The following PPP2R3A variants were observed in gnomAD, a reference collection of about 807,000 sequenced individuals.
PPP2R3A encodes the protein protein phosphatase 2 regulatory subunit B''alpha.
Under a neutral mutation model 106.9 loss-of-function variants are expected in PPP2R3A, and 80 were observed. The ratio of observed to expected loss-of-function variants is 0.75; its 90% CI spans 0.62 to 0.90. The LOEUF is 0.90. PPP2R3A is among the 40% of genes least tolerant of loss of function. PPP2R3A has a pLI of 0.00. For synonymous variants in PPP2R3A, 483 were observed against 468.3 expected (o/e 1.03, Z -0.41); for missense variants, 1,386 against 1,350.4 (o/e 1.03, Z -0.41).
At chr3:135,996,477 A>G (rs1000888259) in intron 1 of PPP2R3A, among the ~76,000 whole-genome samples, 5 of 152,264 alleles carry the variant, frequency 3.3e-5, no homozygotes, top group African/African-American at 1.2e-4. Flanking sequence ...TGAAGTGTCC[A>G]CTGATATGTA....
In PPP2R3A at chr3:136,027,022, T is replaced by A; in HGVS notation, c.2186T>A (p.Leu729Gln). Residue 729 changes from leucine (L) to glutamine (Q), a missense_variant, in exon 3 of 14, where the codon CTA becomes CAA. Leu to Gln is a moderately radical substitution (Grantham distance 113, BLOSUM62 -2). Transcript: ENST00000264977. ...PDTCSNHEQT[L>Q]SRIETAFMDI... ...ACCTGTAGTAATCATGAACAAACTC[T>A]AAGCAGAATTGAAACTGCTTTCATG... The A allele has an allele frequency of 6.2e-7, 1 of 1,612,614 alleles. No individual in the cohort carries two copies. The highest frequency in any genetic ancestry group is 8.5e-7 in the Non-Finnish European group (1 of 1,178,674).
chr3:136,120,291 TAAA>T (rs570283767), intron 13 of PPP2R3A, among the ~76,000 whole-genome samples: 3 of 151,678 alleles, frequency 2.0e-5, no homozygotes, highest in Non-Finnish European at 4.4e-5. Flanking sequence ...TATAATTTTT[TAAA>T]AAAAAGCCTC....
At chr3:136,025,417 C>A (rs1233696018) in intron 2 of PPP2R3A, among the ~76,000 whole-genome samples, 1 of 151,988 alleles carries the variant, frequency 6.6e-6, no homozygotes, top group Admixed American at 6.6e-5. Flanking sequence ...TGACAACTGG[C>A]CTTCATATCC....
intron 1 of PPP2R3A, among the ~76,000 whole-genome samples, chr3:135,966,120 C>G (rs1356397863): frequency 6.6e-6 from 1 of 152,012 alleles, no homozygotes; most frequent in Non-Finnish European, 1.5e-5. Flanking sequence ...AAATTGCCTG[C>G]CCCAGGGGCG....
intron 13 of PPP2R3A, among the ~76,000 whole-genome samples, chr3:136,127,628 G>C (rs1029094110): frequency 1.2e-4 from 18 of 152,178 alleles, no homozygotes; most frequent in African/African-American, 4.3e-4. Flanking sequence ...ACCAAGCAAG[G>C]CAGGCCAACA....
At position 136,003,026 on chromosome 3, in the gene PPP2R3A, G is replaced by A; in HGVS notation, c.1528G>A (p.Asp510Asn). 6 of 1,613,406 alleles carry A rather than the reference G, an allele frequency of 3.7e-6. No individual in the cohort carries two copies. Among genetic ancestry groups the A allele is most frequent in the Non-Finnish European group, 5.1e-6 (6 of 1,179,728 alleles). The change falls in exon 2 of 14, where the codon GAT (aspartate) becomes AAT (asparagine). Residue 510 changes from aspartate to asparagine, a missense_variant. Transcript: ENST00000264977. Reference protein sequence around the residue: ...FTNSSSQEEIDKLLMDLESFS... With the variant: ...FTNSSSQEEINKLLMDLESFS... ...AAATTCCAGTAGCCAGGAAGAGATAGATAAATTGTTAATGGATTTGGAATC... is the reference window on the plus strand; with the variant it reads ...AAATTCCAGTAGCCAGGAAGAGATAAATAAATTGTTAATGGATTTGGAATC...
chr3:136,109,998 C>T (rs557962345), intron 13 of PPP2R3A, among the ~76,000 whole-genome samples: 1 of 152,174 alleles, frequency 6.6e-6, no homozygotes, highest in East Asian at 1.9e-4. Context: ...CACCCTACCC[C>T]TAAAGGAAAG....
At chr3:136,013,707 G>T (rs561613862) in intron 2 of PPP2R3A, among the ~76,000 whole-genome samples, 7 of 151,996 alleles carry the variant, frequency 4.6e-5, no homozygotes, top group Admixed American at 2.6e-4. Context: ...GGATTGTTTG[G>T]TTTTTTCTTG....
At chr3:136,046,383 G>A (rs539891772) in intron 4 of PPP2R3A, among the ~76,000 whole-genome samples, 78 of 152,122 alleles carry the variant, frequency 5.1e-4, no homozygotes, top group African/African-American at 1.9e-3. Context: ...GAACCTGGGA[G>A]GCAGAGGTTG....
chr3:136,064,166 G>A (rs1428981569), intron 5 of PPP2R3A, among the ~76,000 whole-genome samples: 1 of 149,880 alleles, frequency 6.7e-6, no homozygotes, highest in Non-Finnish European at 1.5e-5. Context: ...CTATCAAAAG[G>A]ACAAAAAACC....
In PPP2R3A at chr3:136,106,272, G is replaced by A; in HGVS notation, c.3279G>A (p.Glu1093=). ...ACTGGGACCGGTTTGCCGCTGAGGA[G>A]TATGAGACGCTTGTTGCAGAGGAAT... ...PSDWDRFAAE[E]YETLVAEESA... Residue 1093 remains glutamate, a synonymous_variant, in exon 13 of 14, where the codon GAG becomes GAA. Transcript: ENST00000264977. 6.2e-7 allele frequency: 1 copy of A among 1,613,780 alleles called. No homozygotes were observed. The highest frequency in any genetic ancestry group is 8.5e-7 in the Non-Finnish European group (1 of 1,179,924).
At chr3:136,047,473 T>A (rs975257522) in intron 4 of PPP2R3A, among the ~76,000 whole-genome samples, 6 of 152,332 alleles carry the variant, frequency 3.9e-5, no homozygotes, top group African/African-American at 1.4e-4. Context: ...TAAAAAAGAA[T>A]GAAGTCTTGT....
intron 13 of PPP2R3A, among the ~76,000 whole-genome samples, chr3:136,132,902 A>G (rs1487504575): frequency 6.6e-6 from 1 of 152,172 alleles, no homozygotes; most frequent in Non-Finnish European, 1.5e-5. Context: ...ATATATATAC[A>G]CAGAGATCAG....
At chr3:136,041,305 T>C (rs1935279566) in intron 4 of PPP2R3A, among the ~76,000 whole-genome samples, 1 of 136,946 alleles carries the variant, frequency 7.3e-6, no homozygotes, top group African/African-American at 2.8e-5. Context: ...TTGCCCAGGC[T>C]AGTGTGCAGA....
intron 2 of PPP2R3A, among the ~76,000 whole-genome samples, chr3:136,006,127 C>A (rs1933836142): frequency 6.6e-6 from 1 of 152,120 alleles, no homozygotes; most frequent in Non-Finnish European, 1.5e-5. Flanking sequence ...AATGTGCTTC[C>A]CACTTTTTTG....
intron 1 of PPP2R3A, among the ~76,000 whole-genome samples, chr3:135,978,097 A>G (rs984799477): frequency 6.6e-5 from 10 of 152,192 alleles, no homozygotes; most frequent in African/African-American, 2.2e-4. Context: ...ACTCTTTGCA[A>G]CTTTTCTAGA....
At chr3:136,049,542 G>A (rs1213166425) in intron 5 of PPP2R3A, among the ~76,000 whole-genome samples, 181 bp downstream of exon 5, 1 of 152,140 alleles carries the variant, frequency 6.6e-6, no homozygotes, top group Non-Finnish European at 1.5e-5. Flanking sequence ...CTCGTTAAAT[G>A]AAATCTCGTT....
intron 6 of PPP2R3A, 49 bp from the exon 7 acceptor site, chr3:136,078,318 T>C (rs1258978353): frequency 2.3e-6 from 3 of 1,295,632 alleles, no homozygotes; most frequent in Non-Finnish European, 2.2e-6. Context: ...GAGAAAGTAG[T>C]GGAGATCTTT....
At chr3:136,071,918 C>G (rs933052647) in intron 6 of PPP2R3A, among the ~76,000 whole-genome samples, 44 of 152,246 alleles carry the variant, frequency 2.9e-4, no homozygotes, top group African/African-American at 1.0e-3. Flanking sequence ...CATTGTCACT[C>G]CCTCACTTCA....
Sources: gnomAD v4.1 joint callset for allele counts (sites outside exome capture counted in the v4.1 genomes callset) on GRCh38, gnomAD v4.1.1 for gene constraint, MANE v1.5 for transcripts, NCBI Gene and HGNC (gene_info 2026-07-23, HGNC 2026-07-21) for gene names.